ERBIN: variants seen among roughly 807,000 people sequenced by gnomAD.
ERBIN encodes the protein densin-180-like protein.
ERBIN carries 60 observed loss-of-function variants against 158.4 expected under a neutral mutation model. That is an observed-to-expected ratio of 0.38 (90% confidence interval 0.31 to 0.47). The LOEUF (loss-of-function observed/expected upper bound fraction) is 0.47, where lower values mean the gene tolerates loss of function less well. ERBIN is among the 20% of genes least tolerant of loss of function. The pLI, the probability that ERBIN is intolerant of heterozygous loss-of-function variation, is 0.99. For synonymous variants in ERBIN, 594 were observed against 557.2 expected (o/e 1.07, Z -0.93); for missense variants, 1,610 against 1,648.0 (o/e 0.98, Z 0.40).
At chr5:66,009,439 G>T (rs558043896) in intron 4 of ERBIN, among the ~76,000 whole-genome samples, 35 of 152,264 alleles carry the variant, frequency 2.3e-4, no homozygotes, top group African/African-American at 8.2e-4. Flanking sequence ...GTGCTGAATA[G>T]TAACATGTAC....
chr5:66,026,819 CTATA>C (rs1756306855), intron 13 of ERBIN, among the ~76,000 whole-genome samples: 1 of 151,888 alleles, frequency 6.6e-6, no homozygotes, highest in African/African-American at 2.4e-5. Flanking sequence ...GTTGACTTAG[CTATA>C]TAGTCTTTAT....
rs1443700429 is a variant in ERBIN at position 66,054,969 on chromosome 5, T to C, written c.3633+18T>C. On this transcript the variant is annotated intron_variant, in intron 21 of 25. Transcript: ENST00000284037. ...TAGAAAAGGTAATTGAACATGAGTT[T>C]TTCATTATTTTCTTTATGAACTTAA... The C allele has an allele frequency of 6.5e-7, 1 of 1,528,736 alleles. No homozygotes were observed. Among genetic ancestry groups the C allele is most frequent in the Non-Finnish European group, 8.8e-7 (1 of 1,139,550 alleles). The allele number at this position is 1,528,736 out of a possible 1,614,324, so 94.7% of individuals were successfully genotyped here.
chr5:65,934,902 T>C (rs1743897070), intron 1 of ERBIN, among the ~76,000 whole-genome samples: 1 of 152,186 alleles, frequency 6.6e-6, no homozygotes, highest in South Asian at 2.1e-4. Context: ...GCTTATTTTC[T>C]TTTTTGTTTT....
intron 4 of ERBIN, among the ~76,000 whole-genome samples, chr5:66,000,923 A>AT (rs1204021235): frequency 6.6e-6 from 1 of 152,092 alleles, no homozygotes; most frequent in Non-Finnish European, 1.5e-5. Flanking sequence ...TATTTAACCC[A>AT]TTTTACCTTA....
chr5:66,062,251 T>G (rs897914538), intron 21 of ERBIN, among the ~76,000 whole-genome samples: 1 of 152,204 alleles, frequency 6.6e-6, no homozygotes, highest in Non-Finnish European at 1.5e-5. Flanking sequence ...CTTTTTATTC[T>G]TTTTTCTCTA....
chr5:66,023,386 T>C, intron 9 of ERBIN, 22 bp downstream of exon 9: 1 of 1,509,768 alleles, frequency 6.6e-7, no homozygotes, highest in Non-Finnish European at 9.1e-7. Flanking sequence ...AGATTTTAAA[T>C]GGCATCACTT....
At chr5:65,985,093 A>G (rs114875315) in intron 1 of ERBIN, among the ~76,000 whole-genome samples, 3,201 of 152,220 alleles carry the variant, frequency 0.021, 118 homozygotes, top group African/African-American at 0.072. Context: ...ATCACATGAC[A>G]TTTTTTTGTT....
intron 4 of ERBIN, among the ~76,000 whole-genome samples, chr5:65,995,066 A>G (rs141142863): frequency 6.6e-6 from 1 of 152,334 alleles, no homozygotes; most frequent in East Asian, 1.9e-4. Flanking sequence ...ATACAGTAAA[A>G]TTAAATGTTA....
Position 66,032,538 on chromosome 5 carries a change from G to A in ERBIN, c.1206+4195G>A, listed in dbSNP as rs558394228. Among the ~76,000 whole-genome samples the A allele has an allele frequency of 5.9e-5, 9 of 152,322 alleles. No homozygotes were observed. The South Asian group carries it at 1.9e-3, about 32-fold the overall frequency. On this transcript the variant is annotated intron_variant, in intron 14 of 25. Coordinates refer to ENST00000284037, the MANE Select transcript of ERBIN (RefSeq NM_001253697.2). Reference sequence around the variant, plus strand: ...TTCATATCTGCCATCAGTATAAAAGGAAGAAGTGATTTTTATGATAGATAA... The same window carrying A: ...TTCATATCTGCCATCAGTATAAAAGAAAGAAGTGATTTTTATGATAGATAA...
intron 21 of ERBIN, among the ~76,000 whole-genome samples, chr5:66,062,311 C>A (rs907974532): frequency 5.3e-5 from 8 of 152,184 alleles, no homozygotes; most frequent in African/African-American, 1.9e-4. Flanking sequence ...ATCGCTGATA[C>A]CCTTTCTTCC....
chr5:65,954,762 GAAAAA>G (rs11359030), intron 1 of ERBIN, among the ~76,000 whole-genome samples: 1 of 142,434 alleles, frequency 7.0e-6, no homozygotes, highest in African/African-American at 2.6e-5. Flanking sequence ...TTTCAGAACT[GAAAAA>G]AAAAAAATGC....
chr5:65,970,733 C>G (rs1412375736), intron 1 of ERBIN, among the ~76,000 whole-genome samples: 2 of 152,158 alleles, frequency 1.3e-5, no homozygotes, highest in Non-Finnish European at 2.9e-5. Flanking sequence ...GGGCTACAGA[C>G]GTACACCAGC....
At chr5:65,930,470 G>A (rs11950289) in intron 1 of ERBIN, among the ~76,000 whole-genome samples, 1,680 of 152,254 alleles carry the variant, frequency 0.011, 34 homozygotes, top group African/African-American at 0.037. Flanking sequence ...ACTGTGCCCG[G>A]CTAATTTTTT....
intron 25 of ERBIN, among the ~76,000 whole-genome samples, 191 bp downstream of exon 25, chr5:66,077,140 G>A: frequency 7.5e-6 from 1 of 132,918 alleles, no homozygotes; most frequent in East Asian, 2.1e-4. Context: ...GACAGAGCGA[G>A]ACTCTGTCTC....
At chr5:66,062,810 G>A (rs906276006) in intron 21 of ERBIN, among the ~76,000 whole-genome samples, 2 of 152,226 alleles carry the variant, frequency 1.3e-5, no homozygotes, top group African/African-American at 2.4e-5. Flanking sequence ...GTCCACTCCA[G>A]ACCCTGTTTG....
At chr5:66,006,743 A>G (rs550682928) in intron 4 of ERBIN, among the ~76,000 whole-genome samples, 8 of 152,226 alleles carry the variant, frequency 5.3e-5, no homozygotes, top group Non-Finnish European at 1.0e-4. Flanking sequence ...ATGAACAGAC[A>G]CTTCTCAAAA....
At chr5:65,927,611 A>G (rs1297433696) in intron 1 of ERBIN, among the ~76,000 whole-genome samples, 2 of 152,224 alleles carry the variant, frequency 1.3e-5, no homozygotes, top group Non-Finnish European at 2.9e-5. Context: ...AGACGATGGG[A>G]GGGGAAGTAA....
chr5:66,048,214 T>G (rs1202308160), intron 18 of ERBIN, among the ~76,000 whole-genome samples: 1 of 151,818 alleles, frequency 6.6e-6, no homozygotes, highest in Non-Finnish European at 1.5e-5. Flanking sequence ...GACAATATTA[T>G]GAAATAAGAT....
rs199861437 is a variant in ERBIN at position 66,051,016 on chromosome 5, G to A, written c.2087+50G>A. On this transcript the variant is annotated intron_variant, in intron 20 of 25. Transcript: ENST00000284037. ...TTTATTTATACAATAAATAGAAGTA[G>A]TAAGGCAGATAACAAATACATAAAT... The A allele has an allele frequency of 4.4e-5, 54 of 1,220,886 alleles. No homozygotes were observed. In the African/African-American group the frequency reaches 8.3e-4, roughly 19 times the overall value. The allele number at this position is 1,220,886 out of a possible 1,614,324, so 75.6% of individuals were successfully genotyped here.
Sources: allele counts gnomAD v4.1 joint callset (sites outside exome capture counted in the v4.1 genomes callset), GRCh38; gene constraint gnomAD v4.1.1; transcripts MANE v1.5; gene names NCBI Gene and HGNC (gene_info 2026-07-23, HGNC 2026-07-21).